The following DOK6 variants were observed in gnomAD, a reference collection of about 807,000 sequenced individuals.
The protein encoded by DOK6 is docking protein 6, also known as downstream of tyrosine kinase 6.
Under a neutral mutation model 44.0 loss-of-function variants are expected in DOK6, and 22 were observed. That is an observed-to-expected ratio of 0.50 (90% CI 0.36 to 0.71). The LOEUF (loss-of-function observed/expected upper bound fraction) is 0.71. Among genes scored for constraint, DOK6 ranks in the 30% least tolerant of loss-of-function variants. The probability of loss-of-function intolerance (pLI) is 0.00; values close to 1 mark genes in which losing one functional copy is unlikely to be tolerated. For missense variants in DOK6, 340 were observed against 416.4 expected (o/e 0.82, Z 1.60); for synonymous variants, 166 against 145.5 (o/e 1.14, Z -1.01).
intron 3 of DOK6, among the ~76,000 whole-genome samples, chr18:69,612,394 AGACTTTGTGTGCGAG>A (rs1297048149): frequency 2.4e-5 from 1 of 41,496 alleles, no homozygotes; most frequent in Non-Finnish European, 4.7e-5. Flanking sequence ...GAGCACGAAG[AGACTTTGTGTGCGAG>A]GGCGCATGTG....
intron 1 of DOK6, among the ~76,000 whole-genome samples, chr18:69,440,933 C>T (rs992100536): frequency 6.6e-6 from 1 of 152,114 alleles, no homozygotes; most frequent in African/African-American, 2.4e-5. Context: ...TCATCAGCTT[C>T]TTGAAGTATT....
At chr18:69,499,027 A>G (rs1167864732) in intron 1 of DOK6, among the ~76,000 whole-genome samples, 1 of 152,194 alleles carries the variant, frequency 6.6e-6, no homozygotes, top group Admixed American at 6.5e-5. Context: ...TCACTTTGAG[A>G]TAATAGATTG....
intron 4 of DOK6, among the ~76,000 whole-genome samples, chr18:69,687,284 G>T (rs1986173625): frequency 6.6e-6 from 1 of 152,158 alleles, no homozygotes; most frequent in Admixed American, 6.5e-5. Flanking sequence ...ATTTCCTTAT[G>T]TTAATCCATG....
intron 1 of DOK6, among the ~76,000 whole-genome samples, chr18:69,562,411 T>C (rs1269790995): frequency 6.6e-6 from 1 of 152,204 alleles, no homozygotes; most frequent in Non-Finnish European, 1.5e-5. Flanking sequence ...TTAGTGCCAG[T>C]ACCATGCTGT....
At chr18:69,814,302 T>A (rs1018790115) in intron 7 of DOK6, among the ~76,000 whole-genome samples, 2 of 152,110 alleles carry the variant, frequency 1.3e-5, no homozygotes, top group Non-Finnish European at 2.9e-5. Context: ...AACCAAAGTG[T>A]ATGTGCACTT....
At chr18:69,565,136 A>T (rs144929068) in intron 2 of DOK6, among the ~76,000 whole-genome samples, 9 of 152,324 alleles carry the variant, frequency 5.9e-5, no homozygotes, top group African/African-American at 2.2e-4. Flanking sequence ...AATGACGCTA[A>T]ATATATCTTT....
At chr18:69,527,240 A>T (rs1441738813) in intron 1 of DOK6, among the ~76,000 whole-genome samples, 2 of 152,168 alleles carry the variant, frequency 1.3e-5, no homozygotes, top group African/African-American at 2.4e-5. Flanking sequence ...TTTATTTGTA[A>T]TGTGTATTAG....
At chr18:69,502,913 C>G (rs146298726) in intron 1 of DOK6, among the ~76,000 whole-genome samples, 1 of 152,030 alleles carries the variant, frequency 6.6e-6, no homozygotes, top group Non-Finnish European at 1.5e-5. Context: ...AGTGTGCGCT[C>G]TTATAGATGG....
chr18:69,480,668 C>T (rs150833691), intron 1 of DOK6, among the ~76,000 whole-genome samples: 11 of 152,076 alleles, frequency 7.2e-5, no homozygotes, highest in African/African-American at 1.7e-4. Flanking sequence ...TTTTTGAAGG[C>T]GTCTTGGTGT....
intron 3 of DOK6, among the ~76,000 whole-genome samples, chr18:69,629,900 C>T (rs993784322): frequency 1.3e-5 from 2 of 152,146 alleles, no homozygotes; most frequent in East Asian, 3.9e-4. Flanking sequence ...AAGTGATTCT[C>T]CTGCCTCAGC....
chr18:69,576,287 G>T (rs1452979553), intron 2 of DOK6, among the ~76,000 whole-genome samples: 14 of 152,086 alleles, frequency 9.2e-5, no homozygotes, highest in African/African-American at 3.1e-4. Flanking sequence ...TTCTCAAACT[G>T]TTCTATTTGT....
intron 3 of DOK6, among the ~76,000 whole-genome samples, chr18:69,639,139 A>C (rs1984880467): frequency 6.6e-6 from 1 of 152,242 alleles, no homozygotes; most frequent in African/African-American, 2.4e-5. Context: ...TAATAGCAGA[A>C]GTTAGGAAAA....
intron 1 of DOK6, among the ~76,000 whole-genome samples, chr18:69,412,548 T>C (rs915927582): frequency 6.6e-6 from 1 of 151,348 alleles, no homozygotes; most frequent in Non-Finnish European, 1.5e-5. Flanking sequence ...CTAGAATAAA[T>C]GAAGTACATT....
intron 5 of DOK6, among the ~76,000 whole-genome samples, chr18:69,705,900 C>T (rs1568339305): frequency 7.0e-6 from 1 of 142,512 alleles, no homozygotes. Flanking sequence ...ATGCAGAAAT[C>T]TTCTCCATAA....
chr18:69,663,268 T>C (rs1409794409), intron 3 of DOK6: 1 of 152,120 alleles, frequency 6.6e-6, no homozygotes, highest in African/African-American at 2.4e-5. Context: ...TATTTTAAGA[T>C]CTTCTAAAAA....
intron 5 of DOK6, among the ~76,000 whole-genome samples, chr18:69,721,053 AAATTCC>A (rs1356925693): frequency 2.6e-5 from 4 of 152,210 alleles, no homozygotes; most frequent in Admixed American, 6.5e-5. Flanking sequence ...GCTTACATAA[AAATTCC>A]AAGTCTTGCC....
intron 3 of DOK6, among the ~76,000 whole-genome samples, chr18:69,619,171 C>T (rs1382293761): frequency 6.6e-6 from 1 of 152,130 alleles, no homozygotes; most frequent in Non-Finnish European, 1.5e-5. Flanking sequence ...CCTGGGCTCA[C>T]CCCAGAAGAA....
chr18:69,418,652 G>A (rs1366771930), intron 1 of DOK6, among the ~76,000 whole-genome samples: 2 of 150,758 alleles, frequency 1.3e-5, no homozygotes, highest in African/African-American at 4.9e-5. Context: ...CTTTTTTTTT[G>A]GTGGGGATGG....
At chr18:69,666,831 A>C (rs772795707) in intron 3 of DOK6, among the ~76,000 whole-genome samples, 32 of 152,202 alleles carry the variant, frequency 2.1e-4, no homozygotes, top group Non-Finnish European at 3.8e-4. Context: ...GGCTGCCATC[A>C]GCAGGGATTC....
Sources: gnomAD v4.1 joint callset for allele counts (sites outside exome capture counted in the v4.1 genomes callset) on GRCh38, gnomAD v4.1.1 for gene constraint, MANE v1.5 for transcripts, NCBI Gene and HGNC (gene_info 2026-07-23, HGNC 2026-07-21) for gene names.